Variants in EPHA6 observed in about 807,000 individuals in gnomAD.
EPHA6 encodes the protein ephrin type-A receptor 6.
EPHA6 carries 50 observed loss-of-function variants against 112.0 expected under a neutral mutation model. The ratio of observed to expected loss-of-function variants is 0.45; its 90% CI spans 0.36 to 0.56. EPHA6 has a LOEUF of 0.56. Ranked by LOEUF, EPHA6 falls within the 20% of genes least tolerant of loss-of-function variation. The probability of loss-of-function intolerance (pLI) is 0.00; values close to 1 mark genes in which losing one functional copy is unlikely to be tolerated. For missense variants in EPHA6, 1,280 were observed against 1,417.4 expected, an observed-to-expected ratio of 0.90 and a Z score of 1.56; for synonymous variants, 529 against 490.7, an observed-to-expected ratio of 1.08 and a Z score of -1.03.
chr3:97,110,218 A>G (rs1373392882), intron 3 of EPHA6, among the ~76,000 whole-genome samples: 1 of 152,068 alleles, frequency 6.6e-6, no homozygotes, highest in Non-Finnish European at 1.5e-5. Context: ...ATGGGGGTGG[A>G]TGATGGGCAC....
intron 3 of EPHA6, among the ~76,000 whole-genome samples, chr3:97,093,407 G>A (rs950897464): frequency 1.3e-5 from 2 of 151,858 alleles, no homozygotes; most frequent in Admixed American, 6.6e-5. Flanking sequence ...AAAATTAGCC[G>A]GTCATGATGG....
chr3:97,440,260 C>G (rs1302812045), intron 6 of EPHA6, among the ~76,000 whole-genome samples: 1 of 151,954 alleles, frequency 6.6e-6, no homozygotes, highest in Non-Finnish European at 1.5e-5. Flanking sequence ...TCTTTTACTT[C>G]CTTGGACAGT....
chr3:96,867,493 T>C (rs527609371), intron 2 of EPHA6, among the ~76,000 whole-genome samples: 25 of 151,914 alleles, frequency 1.6e-4, no homozygotes, highest in African/African-American at 5.8e-4. Flanking sequence ...TTTATATATT[T>C]TGCATCATTT....
At chr3:97,301,677 A>G (rs2081096999) in intron 5 of EPHA6, among the ~76,000 whole-genome samples, 1 of 152,108 alleles carries the variant, frequency 6.6e-6, no homozygotes, top group African/African-American at 2.4e-5. Context: ...GTTTTCTCAC[A>G]TATTTCTCCT....
In EPHA6 at chr3:97,747,449, C is replaced by A; in HGVS notation, c.3155C>A (p.Pro1052Gln). The change falls in exon 17 of 18, where the codon CCG becomes CAG. Residue 1052 changes from proline to glutamine, a missense_variant. By Grantham distance (76) the Pro-to-Gln change is moderately conservative (BLOSUM62 -1). Coordinates refer to ENST00000389672, the MANE Select transcript of EPHA6 (RefSeq NM_001080448.3). ...ATGCCAGAGTCCCCTGGTGAAGTTC[C>A]GGAATATCCTTTGTTTGTCACAGTT... ...LVMPESPGEV[P>Q]EYPLFVTVGD... The A allele has an allele frequency of 6.3e-7, 1 of 1,581,936 alleles. No homozygotes were observed. Among genetic ancestry groups the A allele is most frequent in the Non-Finnish European group, 8.6e-7 (1 of 1,163,366 alleles).
At chr3:97,005,837 A>AG (rs2043857181) in intron 3 of EPHA6, among the ~76,000 whole-genome samples, 1 of 152,144 alleles carries the variant, frequency 6.6e-6, no homozygotes, top group Non-Finnish European at 1.5e-5. Context: ...GGGATATTGA[A>AG]TTTTACCAAA....
At chr3:96,831,909 C>G (rs893236283) in intron 1 of EPHA6, among the ~76,000 whole-genome samples, 1 of 152,012 alleles carries the variant, frequency 6.6e-6, no homozygotes. Flanking sequence ...CATCAGTCCC[C>G]TTGGGTTTAA....
chr3:97,240,755 A>G (rs1323830669), intron 4 of EPHA6, among the ~76,000 whole-genome samples: 14 of 151,846 alleles, frequency 9.2e-5, no homozygotes, highest in Non-Finnish European at 2.1e-4. Flanking sequence ...TCCTTGGAAA[A>G]TAAGATTCTA....
At chr3:97,640,547 G>C (rs2093992893) in intron 14 of EPHA6, among the ~76,000 whole-genome samples, 1 of 151,850 alleles carries the variant, frequency 6.6e-6, no homozygotes, top group African/African-American at 2.4e-5. Flanking sequence ...GAGGGGAGCG[G>C]ATCACCTGAG....
chr3:97,041,079 C>T (rs932945499), intron 3 of EPHA6, among the ~76,000 whole-genome samples: 12 of 151,988 alleles, frequency 7.9e-5, no homozygotes, highest in African/African-American at 2.7e-4. Flanking sequence ...GATGAATTAG[C>T]GTACTGTTTG....
At chr3:97,436,932 A>C (rs1577405040) in intron 6 of EPHA6, among the ~76,000 whole-genome samples, 1 of 152,332 alleles carries the variant, frequency 6.6e-6, no homozygotes, top group East Asian at 1.9e-4. Flanking sequence ...GTGTATAATT[A>C]AGAGATACAA....
chr3:97,107,596 C>T (rs570815575), intron 3 of EPHA6, among the ~76,000 whole-genome samples: 1 of 152,162 alleles, frequency 6.6e-6, no homozygotes, highest in South Asian at 2.1e-4. Context: ...TTATTTCTAA[C>T]TTCATGCTTG....
intron 14 of EPHA6, among the ~76,000 whole-genome samples, chr3:97,663,316 T>C (rs1289495813): frequency 2.0e-5 from 3 of 151,292 alleles, no homozygotes; most frequent in Admixed American, 2.0e-4. Flanking sequence ...TTGTGGAGCC[T>C]TTTTTTTTCT....
At chr3:97,595,988 C>A (rs1004635778) in intron 12 of EPHA6, among the ~76,000 whole-genome samples, 33 of 147,264 alleles carry the variant, frequency 2.2e-4, no homozygotes, top group Non-Finnish European at 1.9e-4. Context: ...TCACTGCAAG[C>A]TTCGCCTCCC....
At chr3:97,291,476 A>G (rs184907591) in intron 5 of EPHA6, among the ~76,000 whole-genome samples, 8 of 152,272 alleles carry the variant, frequency 5.3e-5, no homozygotes, top group Admixed American at 4.6e-4. Flanking sequence ...ATTGTATTGG[A>G]GCCAACTTGA....
At chr3:97,489,672 C>T (rs929661037) in intron 10 of EPHA6, among the ~76,000 whole-genome samples, 2 of 144,318 alleles carry the variant, frequency 1.4e-5, no homozygotes, top group Non-Finnish European at 3.0e-5. Context: ...GGCGAAAAAG[C>T]GAGACTCCGT....
At chr3:97,745,836 A>G (rs951274550) in intron 16 of EPHA6, among the ~76,000 whole-genome samples, 2 of 151,792 alleles carry the variant, frequency 1.3e-5, no homozygotes, top group African/African-American at 4.8e-5. Flanking sequence ...TTTAAGGGTA[A>G]TTTTGATGGT....
At chr3:97,112,524 T>G (rs2047753964) in intron 3 of EPHA6, among the ~76,000 whole-genome samples, 2 of 152,128 alleles carry the variant, frequency 1.3e-5, no homozygotes, top group Admixed American at 1.3e-4. Context: ...TTTAAAAATT[T>G]TGTTGTTTCA....
At chr3:97,634,185 A>G (rs2093926718) in intron 13 of EPHA6, among the ~76,000 whole-genome samples, 1 of 152,090 alleles carries the variant, frequency 6.6e-6, no homozygotes, top group South Asian at 2.1e-4. Flanking sequence ...CACCATCTAC[A>G]AGATGAAGAT....
Sources: allele counts gnomAD v4.1 joint callset (sites outside exome capture counted in the v4.1 genomes callset), GRCh38; gene constraint gnomAD v4.1.1; transcripts MANE v1.5; gene names NCBI Gene and HGNC (gene_info 2026-07-23, HGNC 2026-07-21).